The following SYT16 variants were observed in gnomAD, a reference collection of about 807,000 sequenced individuals.
The protein encoded by SYT16 is synaptotagmin 16, also known as synaptotagmin-16.
In SYT16, 42 loss-of-function variants were observed where a neutral mutation model predicts 61.4. The observed-to-expected ratio is 0.68, with a 90% CI of 0.53 to 0.89. The LOEUF (loss-of-function observed/expected upper bound fraction) is 0.89, where lower values mean the gene tolerates loss of function less well. SYT16 is among the 40% of genes least tolerant of loss of function. The pLI is 0.00. For missense variants in SYT16, 804 were observed against 807.3 expected (o/e 1.00, Z 0.05); for synonymous variants, 314 against 302.3 (o/e 1.04, Z -0.40).
chr14:61,984,477 CAT>C (rs1263970963), intron 2 of SYT16, among the ~76,000 whole-genome samples: 2 of 152,050 alleles, frequency 1.3e-5, no homozygotes, highest in African/African-American at 2.4e-5. Context: ...TTGCAGGACT[CAT>C]ATTTATATTA....
intron 3 of SYT16, among the ~76,000 whole-genome samples, chr14:62,012,580 A>G (rs2053512136): frequency 6.6e-6 from 1 of 152,164 alleles, no homozygotes; most frequent in Non-Finnish European, 1.5e-5. Flanking sequence ...ACACTAGAAA[A>G]TGGGGCTCAG....
rs550904082 is a variant in SYT16, at chr14:62,059,103, G to A, written c.524-10500G>A. On this transcript the variant is annotated intron_variant, in intron 3 of 7. Transcript: ENST00000683842. Reference sequence around the variant, plus strand: ...AGGGTGGGAGGAGGGAGAGGATCAGGAAAAATAACTAATGGGTACTAGGCT... The same window carrying A: ...AGGGTGGGAGGAGGGAGAGGATCAGAAAAAATAACTAATGGGTACTAGGCT... Among the ~76,000 whole-genome samples the A allele has an allele frequency of 2.6e-5, 4 of 152,128 alleles. No individual in the cohort carries two copies. The South Asian group carries it at 8.3e-4, about 32-fold the overall frequency.
intron 3 of SYT16, among the ~76,000 whole-genome samples, chr14:62,055,010 G>A (rs905333327): frequency 6.6e-6 from 1 of 152,158 alleles, no homozygotes; most frequent in Non-Finnish European, 1.5e-5. Context: ...AATCTTTCTA[G>A]TCAGAGAATT....
chr14:61,858,745 A>C (rs2046860595), intron 1 of SYT16, among the ~76,000 whole-genome samples: 1 of 152,222 alleles, frequency 6.6e-6, no homozygotes, highest in African/African-American at 2.4e-5. Context: ...AGGCACTGAT[A>C]CAGGGGTTAA....
chr14:62,002,692 A>G (rs2053069396), intron 3 of SYT16, among the ~76,000 whole-genome samples: 1 of 151,508 alleles, frequency 6.6e-6, no homozygotes, highest in Admixed American at 6.6e-5. Context: ...AGAAGTGTTT[A>G]CTCTGTTCTG....
chr14:62,009,803 A>G (rs899149776), intron 3 of SYT16, among the ~76,000 whole-genome samples: 1 of 152,068 alleles, frequency 6.6e-6, no homozygotes, highest in Non-Finnish European at 1.5e-5. Flanking sequence ...CCTCATTGCA[A>G]CCCACTCAGA....
intron 1 of SYT16, among the ~76,000 whole-genome samples, chr14:61,817,193 G>T (rs1377817235): frequency 6.6e-6 from 1 of 151,746 alleles, no homozygotes; most frequent in African/African-American, 2.4e-5. Context: ...GAGGCGGGTG[G>T]ATCGCCTGAG....
At chr14:62,008,621 T>C (rs1392667393) in intron 3 of SYT16, among the ~76,000 whole-genome samples, 1 of 143,794 alleles carries the variant, frequency 7.0e-6, no homozygotes, top group Non-Finnish European at 1.5e-5. Context: ...TCCCATTGTG[T>C]TTCTGTTTTC....
chr14:61,855,789 G>C (rs1046370952), intron 1 of SYT16, among the ~76,000 whole-genome samples: 5 of 152,174 alleles, frequency 3.3e-5, no homozygotes, highest in Admixed American at 2.6e-4. Context: ...ATAATGCCTA[G>C]GCAAAGTTTT....
At chr14:62,012,074 C>T (rs1401928057) in intron 3 of SYT16, among the ~76,000 whole-genome samples, 1 of 151,266 alleles carries the variant, frequency 6.6e-6, no homozygotes, top group Non-Finnish European at 1.5e-5. Context: ...GTTATCTATT[C>T]ATGCATAACA....
intron 1 of SYT16, chr14:61,832,064 C>A: frequency 2.8e-6 from 2 of 717,534 alleles, no homozygotes; most frequent in East Asian, 2.6e-5. Flanking sequence ...CGCCCACAAC[C>A]GTCTTCCACT....
At chr14:62,090,496 A>G (rs2057035782) in intron 7 of SYT16, among the ~76,000 whole-genome samples, 1 of 152,220 alleles carries the variant, frequency 6.6e-6, no homozygotes, top group Non-Finnish European at 1.5e-5. Flanking sequence ...GAAAATGAAC[A>G]TATATGAGAC....
intron 2 of SYT16, among the ~76,000 whole-genome samples, chr14:61,983,798 G>A (rs1455491740): frequency 1.3e-5 from 2 of 152,148 alleles, no homozygotes; most frequent in Non-Finnish European, 1.5e-5. Flanking sequence ...AAAGTCCAGG[G>A]TTAACAGGTG....
intron 7 of SYT16, among the ~76,000 whole-genome samples, chr14:62,086,481 A>G (rs2056889455): frequency 6.6e-6 from 1 of 151,862 alleles, no homozygotes; most frequent in South Asian, 2.1e-4. Flanking sequence ...CTGTGTCTCA[A>G]AAAAACAAAC....
chr14:61,865,874 T>G (rs915534235), intron 1 of SYT16, among the ~76,000 whole-genome samples: 18 of 152,184 alleles, frequency 1.2e-4, no homozygotes, highest in African/African-American at 4.1e-4. Context: ...CAAAATGCTT[T>G]CTAAATCATT....
At chr14:62,018,298 C>CTTTTTTTTTTTTTTTTT (rs776473522) in intron 3 of SYT16, among the ~76,000 whole-genome samples, 6 of 51,642 alleles carry the variant, frequency 1.2e-4, no homozygotes, top group Admixed American at 3.0e-4. Context: ...TCTTCTTCTT[C>CTTTTTTTTTTTTTTTTT]TTTTTTTTTT....
In SYT16 at chr14:61,884,571, T is replaced by A. The variant is rs185928444; in HGVS notation, c.-325+71761T>A. On this transcript the variant is annotated intron_variant, in intron 1 of 7. Transcript: ENST00000683842. ...GCCACTTGCAAGAAAGCCTGACCAG[T>A]TGAAGGACAAAGTTGAAAAGTTCTT... Among the ~76,000 whole-genome samples, 120 of 152,342 alleles carry A rather than the reference T, an allele frequency of 7.9e-4. 2 individuals are homozygous for A. The highest frequency in any genetic ancestry group is 3.8e-3 in the Admixed American group (58 of 15,300).
In SYT16 at chr14:61,824,643, T is replaced by C. The variant is rs920273530; in HGVS notation, c.-325+11833T>C. 9.2e-5 allele frequency among the ~76,000 whole-genome samples: 14 copies of C among 152,170 alleles called. No individual in the cohort carries two copies. In the East Asian group the frequency reaches 2.5e-3, roughly 27 times the overall value. ...CTGGGATTACAGGCGTGAGCCACCG[T>C]GCCCGGCTATAATAAGCATTTTAAT... On this transcript the variant is annotated intron_variant, in intron 1 of 7. Coordinates refer to ENST00000683842, the MANE Select transcript of SYT16 (RefSeq NM_001367656.1).
intron 1 of SYT16, among the ~76,000 whole-genome samples, chr14:61,963,501 G>A (rs2051191923): frequency 6.6e-6 from 1 of 152,172 alleles, no homozygotes; most frequent in Admixed American, 6.6e-5. Context: ...AAAACCCTAA[G>A]TCTCTTTAAT....
Sources: allele counts gnomAD v4.1 joint callset (sites outside exome capture counted in the v4.1 genomes callset), GRCh38; gene constraint gnomAD v4.1.1; transcripts MANE v1.5; gene names NCBI Gene and HGNC (gene_info 2026-07-23, HGNC 2026-07-21).